The following GRM7 variants were observed in gnomAD, a reference collection of about 807,000 sequenced individuals.
GRM7 encodes the protein glutamate metabotropic receptor 7.
A neutral mutation model predicts 84.5 loss-of-function variants in GRM7; 35 were observed. That is an observed-to-expected ratio of 0.41 (90% CI 0.32 to 0.55). GRM7 has a LOEUF of 0.55. Ranked by LOEUF, GRM7 falls within the 20% of genes least tolerant of loss-of-function variation. GRM7 has a pLI of 0.19. For synonymous variants in GRM7, 487 were observed against 455.1 expected (o/e 1.07, Z -0.89); for missense variants, 1,003 against 1,194.6 (o/e 0.84, Z 2.36).
At chr3:7,094,322 A>G (rs1698777672) in intron 1 of GRM7, among the ~76,000 whole-genome samples, 1 of 152,206 alleles carries the variant, frequency 6.6e-6, no homozygotes, top group African/African-American at 2.4e-5. Flanking sequence ...ATAATAAATG[A>G]GTTCATGCAT....
chr3:7,663,725 C>A (rs1444842576), intron 8 of GRM7, among the ~76,000 whole-genome samples: 1 of 152,026 alleles, frequency 6.6e-6, no homozygotes, highest in African/African-American at 2.4e-5. Flanking sequence ...TGGATTTTAT[C>A]AAAAAGAAAT....
At chr3:6,993,006 T>A (rs1160517257) in intron 1 of GRM7, among the ~76,000 whole-genome samples, 2 of 152,194 alleles carry the variant, frequency 1.3e-5, no homozygotes, top group Non-Finnish European at 2.9e-5. Context: ...CCGGATAATT[T>A]ATAAAGGAAA....
Position 7,165,621 on chromosome 3 carries a change from A to C in GRM7, c.736+18953A>C, listed in dbSNP as rs1052947366. Reference sequence around the variant, plus strand: ...ATAGGGTACACTTAGCTAATTCGATATCTATACAGCTAATCAAAATACTAG... The same window carrying C: ...ATAGGGTACACTTAGCTAATTCGATCTCTATACAGCTAATCAAAATACTAG... On this transcript the variant is annotated intron_variant, in intron 2 of 9. Coordinates refer to ENST00000357716, the MANE Select transcript of GRM7 (RefSeq NM_000844.4). 2.6e-5 allele frequency among the ~76,000 whole-genome samples: 4 copies of C among 152,204 alleles called. No individual in the cohort carries two copies. The South Asian group carries it at 8.3e-4, about 31-fold the overall frequency.
chr3:6,988,211 G>A lies in GRM7; in HGVS notation c.519+126304G>A, dbSNP rs574949209. 3.6e-3 allele frequency among the ~76,000 whole-genome samples: 470 copies of A among 129,864 alleles called. 3 individuals carry two copies. Among genetic ancestry groups the A allele is most frequent in the African/African-American group, 0.014 (442 of 32,468 alleles). 85.2% of individuals were successfully genotyped at this position (129,864 alleles called of 152,430 possible). On this transcript the variant is annotated intron_variant, in intron 1 of 9. Transcript: ENST00000357716. ...TTTTTAGTAGAGATGGGGTTTCACC[G>A]TGTTAGCCAGGATGGTCTCGATCTC... is the stretch of plus-strand genomic sequence containing the variant.
At chr3:7,557,968 A>T (rs190422285) in intron 7 of GRM7, among the ~76,000 whole-genome samples, 1 of 152,228 alleles carries the variant, frequency 6.6e-6, no homozygotes, top group East Asian at 1.9e-4. Flanking sequence ...TCTCCTCAAG[A>T]GAGAGTGGAG....
chr3:7,685,648 T>G (rs1700553255), intron 9 of GRM7, among the ~76,000 whole-genome samples: 3 of 152,152 alleles, frequency 2.0e-5, no homozygotes. Context: ...GATATGGAAT[T>G]GTATTCTGAT....
At chr3:7,206,955 A>C (rs1358081126) in intron 2 of GRM7, among the ~76,000 whole-genome samples, 2 of 152,200 alleles carry the variant, frequency 1.3e-5, no homozygotes, top group African/African-American at 4.8e-5. Flanking sequence ...CAAGATATAT[A>C]TATGTAAAAT....
intron 1 of GRM7, among the ~76,000 whole-genome samples, chr3:6,913,006 C>G (rs1696824610): frequency 6.6e-6 from 1 of 152,136 alleles, no homozygotes. Flanking sequence ...CTTCCCTCCA[C>G]TGAATATTCA....
At chr3:7,063,361 G>C (rs76723916) in intron 1 of GRM7, among the ~76,000 whole-genome samples, 103 of 151,776 alleles carry the variant, frequency 6.8e-4, no homozygotes, top group African/African-American at 2.4e-3. Flanking sequence ...GTTCCCTGAT[G>C]GTGACTATTG....
intron 1 of GRM7, among the ~76,000 whole-genome samples, chr3:6,984,904 C>A (rs921022150): frequency 8.5e-5 from 13 of 152,146 alleles, no homozygotes; most frequent in Admixed American, 1.3e-4. Context: ...GTGGGATATG[C>A]GTGTGCCAAA....
At chr3:7,576,273 T>C (rs891814451) in intron 7 of GRM7, among the ~76,000 whole-genome samples, 1 of 152,226 alleles carries the variant, frequency 6.6e-6, no homozygotes, top group South Asian at 2.1e-4. Flanking sequence ...CAGTGACTTA[T>C]TGTCTCAAAA....
At chr3:7,345,179 C>T (rs1457454395) in intron 4 of GRM7, among the ~76,000 whole-genome samples, 1 of 151,864 alleles carries the variant, frequency 6.6e-6, no homozygotes, top group Non-Finnish European at 1.5e-5. Flanking sequence ...TTATAAATAT[C>T]CTGGTCTGAA....
At chr3:7,636,395 C>T (rs751509416) in intron 8 of GRM7, 19 of 424,870 alleles carry the variant, frequency 4.5e-5, no homozygotes, top group Non-Finnish European at 7.6e-5. Flanking sequence ...TGGACACACA[C>T]TGTCATTGTT....
chr3:7,353,233 G>T (rs1438085947), intron 4 of GRM7, among the ~76,000 whole-genome samples: 1 of 152,046 alleles, frequency 6.6e-6, no homozygotes, highest in South Asian at 2.1e-4. Context: ...TCATGAGGAA[G>T]TATACTATAC....
At chr3:7,237,731 A>T (rs901677020) in intron 2 of GRM7, among the ~76,000 whole-genome samples, 2 of 152,186 alleles carry the variant, frequency 1.3e-5, no homozygotes, top group Non-Finnish European at 2.9e-5. Context: ...ACAGCGTGGA[A>T]GTGGACCCGA....
intron 2 of GRM7, among the ~76,000 whole-genome samples, chr3:7,168,005 A>G (rs1331199352): frequency 1.4e-5 from 2 of 142,754 alleles, no homozygotes; most frequent in African/African-American, 2.9e-5. Flanking sequence ...AAAAAAAAAA[A>G]AAAAATTCCA....
chr3:7,163,744 T>C (rs1406083145), intron 2 of GRM7, among the ~76,000 whole-genome samples: 2 of 152,204 alleles, frequency 1.3e-5, no homozygotes, highest in African/African-American at 2.4e-5. Flanking sequence ...TTATTCCAGA[T>C]AGAAGGAAAA....
At chr3:7,568,097 T>C (rs1694410864) in intron 7 of GRM7, among the ~76,000 whole-genome samples, 1 of 152,218 alleles carries the variant, frequency 6.6e-6, no homozygotes, top group Admixed American at 6.5e-5. Context: ...TTCACTTCCT[T>C]AATTGCTGGT....
At chr3:7,588,925 T>G (rs778977504) in intron 8 of GRM7, among the ~76,000 whole-genome samples, 1 of 152,118 alleles carries the variant, frequency 6.6e-6, no homozygotes, top group Non-Finnish European at 1.5e-5. Flanking sequence ...ATATAAGGAG[T>G]CAGTTGTTCA....
Sources: gnomAD v4.1 joint callset for allele counts (sites outside exome capture counted in the v4.1 genomes callset) on GRCh38, gnomAD v4.1.1 for gene constraint, MANE v1.5 for transcripts, NCBI Gene and HGNC (gene_info 2026-07-23, HGNC 2026-07-21) for gene names.